PDE1C: variants seen among roughly 807,000 people sequenced by gnomAD.
PDE1C encodes the protein phosphodiesterase 1C.
PDE1C carries 62 observed loss-of-function variants against 93.1 expected under a neutral mutation model. The ratio of observed to expected loss-of-function variants is 0.67; its 90% CI spans 0.54 to 0.82. The LOEUF (loss-of-function observed/expected upper bound fraction) is 0.82. Among genes scored for constraint, PDE1C ranks in the 40% least tolerant of loss-of-function variants. The pLI is 0.00. For missense variants in PDE1C, 742 were observed against 884.6 expected (o/e 0.84, Z 2.04); for synonymous variants, 325 against 310.1 (o/e 1.05, Z -0.50).
intron 2 of PDE1C, among the ~76,000 whole-genome samples, chr7:32,031,594 C>T (rs79660994): frequency 0.011 from 1,734 of 152,246 alleles, 44 homozygotes; most frequent in African/African-American, 0.039. Flanking sequence ...AGATCTTGGC[C>T]ACGTTGCATA....
At chr7:31,951,721 CA>C (rs1807406292) in intron 2 of PDE1C, among the ~76,000 whole-genome samples, 1 of 152,168 alleles carries the variant, frequency 6.6e-6, no homozygotes, top group Admixed American at 6.5e-5. Flanking sequence ...ACACTGATCC[CA>C]AAGACAGCTA....
chr7:32,335,093 A>C (rs749717874), intron 1 of PDE1C, among the ~76,000 whole-genome samples: 14 of 152,236 alleles, frequency 9.2e-5, no homozygotes, highest in Non-Finnish European at 1.5e-4. Flanking sequence ...TCTAACAAAG[A>C]ATAAGCATCT....
intron 6 of PDE1C, among the ~76,000 whole-genome samples, chr7:31,870,018 TAAGA>T (rs1454371419): frequency 6.6e-6 from 1 of 152,000 alleles, no homozygotes; most frequent in Non-Finnish European, 1.5e-5. Flanking sequence ...ACCATTGGAT[TAAGA>T]AAGAAATTAA....
chr7:32,059,318 A>C (rs1794512144), intron 1 of PDE1C, among the ~76,000 whole-genome samples: 1 of 152,192 alleles, frequency 6.6e-6, no homozygotes, highest in Non-Finnish European at 1.5e-5. Context: ...ACTCTTTCTT[A>C]GGAGCAAGTG....
intron 2 of PDE1C, among the ~76,000 whole-genome samples, chr7:32,206,070 G>A (rs1445253838): frequency 1.3e-5 from 2 of 152,156 alleles, no homozygotes; most frequent in African/African-American, 2.4e-5. Flanking sequence ...TGTTTTTAGA[G>A]GGGTAAGGTT....
At chr7:32,388,678 TAAAAAAAAA>T (rs5883343) in intron 1 of PDE1C, among the ~76,000 whole-genome samples, 223 of 81,586 alleles carry the variant, frequency 2.7e-3, no homozygotes, top group Admixed American at 7.0e-3. Context: ...GTCCCATTTC[TAAAAAAAAA>T]AAAAAAAAAA....
chr7:31,898,643 A>C (rs1463286082), intron 2 of PDE1C, among the ~76,000 whole-genome samples: 1 of 152,204 alleles, frequency 6.6e-6, no homozygotes, highest in Non-Finnish European at 1.5e-5. Flanking sequence ...TTAAGACAAA[A>C]TTCAGAAGTC....
the PDE1C span, chr7:31,692,385 C>T: frequency 1.4e-6 from 2 of 1,381,826 alleles, no homozygotes; most frequent in East Asian, 2.3e-5. Flanking sequence ...TACTTATTAA[C>T]TGTTTTTTAT....
intron 1 of PDE1C, among the ~76,000 whole-genome samples, chr7:32,331,549 A>G (rs1783515107): frequency 6.6e-6 from 1 of 152,196 alleles, no homozygotes; most frequent in Non-Finnish European, 1.5e-5. Context: ...TGTGGCTGCC[A>G]TGAAGAGTCT....
At chr7:32,178,868 C>A (rs1434163579) in intron 2 of PDE1C, among the ~76,000 whole-genome samples, 1 of 152,204 alleles carries the variant, frequency 6.6e-6, no homozygotes, top group East Asian at 1.9e-4. Context: ...TACCACTGAG[C>A]TCATCAAGAG....
intron 2 of PDE1C, among the ~76,000 whole-genome samples, chr7:31,890,953 T>C (rs73690323): frequency 0.012 from 1,822 of 152,110 alleles, 38 homozygotes; most frequent in African/African-American, 0.042. Context: ...GAGGAAATGA[T>C]GGGAAAGGAA....
chr7:31,745,992 G>A, the PDE1C span, among the ~76,000 whole-genome samples: 38 of 152,250 alleles, frequency 2.5e-4, no homozygotes, highest in Admixed American at 2.2e-3. Flanking sequence ...TAAAATGTTC[G>A]CTTCTCGTTG....
chr7:31,957,341 AC>A (rs1808283071), intron 2 of PDE1C, among the ~76,000 whole-genome samples: 1 of 151,992 alleles, frequency 6.6e-6, no homozygotes, highest in South Asian at 2.1e-4. Context: ...TTTCGCTGTA[AC>A]CCTGGCATCA....
intron 17 of PDE1C, among the ~76,000 whole-genome samples, chr7:31,774,185 G>A (rs1344000427): frequency 6.6e-6 from 1 of 152,128 alleles, no homozygotes; most frequent in Non-Finnish European, 1.5e-5. Flanking sequence ...ACCATTGACT[G>A]CAAAACATCC....
chr7:32,303,795 A>G (rs1812935621), upstream of PDE1C, among the ~76,000 whole-genome samples: 1 of 152,086 alleles, frequency 6.6e-6, no homozygotes, highest in African/African-American at 2.4e-5. Flanking sequence ...GAGTTTACAT[A>G]TTATTCATGC....
intron 1 of PDE1C, among the ~76,000 whole-genome samples, chr7:32,400,547 T>C (rs1297452377): frequency 6.6e-6 from 1 of 152,200 alleles, no homozygotes; most frequent in Admixed American, 6.5e-5. Context: ...GGAAACCAGT[T>C]TAATTTCGTT....
intron 2 of PDE1C, among the ~76,000 whole-genome samples, chr7:31,996,870 G>A (rs561196586): frequency 1.3e-5 from 2 of 152,298 alleles, no homozygotes; most frequent in African/African-American, 2.4e-5. Flanking sequence ...AAAAGAAAGA[G>A]GGAGGTGATA....
At chr7:31,699,180 C>G in the PDE1C span, among the ~76,000 whole-genome samples, 1,000 of 73,210 alleles carry the variant, frequency 0.014, 9 homozygotes, top group African/African-American at 0.066. Flanking sequence ...AGGAAAGGTT[C>G]TGAGGACTGC....
At chr7:31,796,971 G>A (rs569897801) in intron 16 of PDE1C, among the ~76,000 whole-genome samples, 3 of 151,830 alleles carry the variant, frequency 2.0e-5, no homozygotes, top group African/African-American at 4.8e-5. Context: ...TTGACTTTTT[G>A]TTGTTTTCCT....
Sources: gnomAD v4.1 joint callset for allele counts (sites outside exome capture counted in the v4.1 genomes callset) on GRCh38, gnomAD v4.1.1 for gene constraint, MANE v1.5 for transcripts, NCBI Gene and HGNC (gene_info 2026-07-23, HGNC 2026-07-21) for gene names.